CADPS2: variants seen among roughly 807,000 people sequenced by gnomAD.
The protein encoded by CADPS2 is calcium-dependent secretion activator 2.
CADPS2 carries 93 observed loss-of-function variants against 172.5 expected under a neutral mutation model. The ratio of observed to expected loss-of-function variants is 0.54; its 90% CI spans 0.46 to 0.64. CADPS2 has a LOEUF of 0.64. Ranked by LOEUF, CADPS2 falls within the 30% of genes least tolerant of loss-of-function variation. The pLI, the probability that CADPS2 is intolerant of heterozygous loss-of-function variation, is 0.00. For synonymous variants in CADPS2, 546 were observed against 555.2 expected, an observed-to-expected ratio of 0.98 and a Z score of 0.23; for missense variants, 1,420 against 1,565.9, an observed-to-expected ratio of 0.91 and a Z score of 1.57.
intron 2 of CADPS2, among the ~76,000 whole-genome samples, chr7:122,729,023 A>G (rs1408996155): frequency 6.6e-6 from 1 of 151,572 alleles, no homozygotes; most frequent in African/African-American, 2.4e-5. Flanking sequence ...TCTATCCAAC[A>G]CCTGCTCTTC....
chr7:122,365,257 A>T (rs1328135545), intron 25 of CADPS2, among the ~76,000 whole-genome samples: 1 of 152,232 alleles, frequency 6.6e-6, no homozygotes, highest in South Asian at 2.1e-4. Flanking sequence ...CTTCCTCCCT[A>T]TCCCTAAAGG....
intron 20 of CADPS2, among the ~76,000 whole-genome samples, chr7:122,404,596 T>C (rs1016791883): frequency 6.6e-6 from 1 of 152,206 alleles, no homozygotes; most frequent in African/African-American, 2.4e-5. Flanking sequence ...TGAACTAGTT[T>C]ACAGTCCCGC....
At chr7:122,442,418 T>C (rs1425962142) in intron 15 of CADPS2, among the ~76,000 whole-genome samples, 1 of 152,204 alleles carries the variant, frequency 6.6e-6, no homozygotes, top group African/African-American at 2.4e-5. Context: ...GATCAAGTGC[T>C]ACAGGCAGCT....
intron 7 of CADPS2, among the ~76,000 whole-genome samples, chr7:122,574,971 G>GA (rs1477423093): frequency 6.6e-6 from 1 of 151,982 alleles, no homozygotes; most frequent in Non-Finnish European, 1.5e-5. Flanking sequence ...CCCAATATTA[G>GA]AAAAAACTGT....
chr7:122,830,549 C>T (rs1472458050), intron 1 of CADPS2, among the ~76,000 whole-genome samples: 2 of 152,120 alleles, frequency 1.3e-5, no homozygotes, highest in Non-Finnish European at 2.9e-5. Context: ...CCATATATAG[C>T]GCATTAGCAA....
chr7:122,526,692 C>A (rs1376093516), intron 8 of CADPS2, among the ~76,000 whole-genome samples: 1 of 152,170 alleles, frequency 6.6e-6, no homozygotes, highest in Non-Finnish European at 1.5e-5. Context: ...CCATTTATTA[C>A]CGTCTTCTTA....
At chr7:122,882,342 G>T (rs1823135246) in intron 1 of CADPS2, among the ~76,000 whole-genome samples, 2 of 152,106 alleles carry the variant, frequency 1.3e-5, no homozygotes, top group Non-Finnish European at 2.9e-5. Flanking sequence ...ATAGGTATAT[G>T]AATTATATGG....
intron 15 of CADPS2, among the ~76,000 whole-genome samples, chr7:122,444,601 T>C (rs1265110296): frequency 6.6e-6 from 1 of 152,206 alleles, no homozygotes; most frequent in African/African-American, 2.4e-5. Flanking sequence ...CCTTTTTGTA[T>C]AATATTCCTT....
At chr7:122,514,175 A>T (rs977194979) in intron 8 of CADPS2, among the ~76,000 whole-genome samples, 2 of 152,116 alleles carry the variant, frequency 1.3e-5, no homozygotes, top group African/African-American at 4.8e-5. Flanking sequence ...CTCCCTACAA[A>T]AGTGGAAAAT....
chr7:122,591,523 T>C (rs2070806166), intron 6 of CADPS2, among the ~76,000 whole-genome samples: 2 of 152,000 alleles, frequency 1.3e-5, no homozygotes, highest in African/African-American at 2.4e-5. Context: ...GAGCCTGCAT[T>C]GCCAAGACAA....
chr7:122,585,462 A>T (rs1420888969), intron 6 of CADPS2: 2 of 94,332 alleles, frequency 2.1e-5, no homozygotes, highest in Non-Finnish European at 4.2e-5. Context: ...TCAACAAAGG[A>T]AAAAAAAAAA....
At chr7:122,732,931 A>G (rs2091827124) in intron 2 of CADPS2, among the ~76,000 whole-genome samples, 1 of 147,160 alleles carries the variant, frequency 6.8e-6, no homozygotes, top group East Asian at 1.9e-4. Context: ...TATAATACAT[A>G]TTATATACAG....
chr7:122,823,267 TTC>T, intron 1 of CADPS2, among the ~76,000 whole-genome samples: 1 of 152,282 alleles, frequency 6.6e-6, no homozygotes, highest in East Asian at 1.9e-4. Context: ...CACAATGCCA[TTC>T]TATTTTAGGG....
rs568600606 is a variant in CADPS2, at chr7:122,399,970, G to A, written c.2747-6388C>T. On this transcript the variant is annotated intron_variant, in intron 20 of 29. Coordinates refer to ENST00000449022, the MANE Select transcript of CADPS2 (RefSeq NM_017954.11). ...ATTACAGGCGTGAGCCACCGCGCCC[G>A]GCCAAGGGTGGGTTTCTTGATGCCC... Among the ~76,000 whole-genome samples, 14 of 146,800 alleles carry A rather than the reference G, an allele frequency of 9.5e-5. No individual in the cohort carries two copies. The East Asian group carries it at 1.7e-3, about 18-fold the overall frequency.
intron 24 of CADPS2, among the ~76,000 whole-genome samples, chr7:122,384,293 C>A (rs1222637724): frequency 6.6e-6 from 1 of 152,030 alleles, no homozygotes; most frequent in Non-Finnish European, 1.5e-5. Context: ...AAAGTTTTAT[C>A]CCAGCGATGA....
intron 3 of CADPS2, among the ~76,000 whole-genome samples, chr7:122,649,372 T>C (rs1486807653): frequency 6.6e-6 from 1 of 152,148 alleles, no homozygotes; most frequent in East Asian, 1.9e-4. Context: ...CAGCTCTATT[T>C]CCTGGCACCC....
intron 3 of CADPS2, among the ~76,000 whole-genome samples, chr7:122,645,458 T>C (rs367686702): frequency 6.3e-5 from 5 of 79,374 alleles, no homozygotes; most frequent in East Asian, 4.8e-4. Context: ...CACATATGTA[T>C]ATATGTGTAT....
intron 8 of CADPS2, among the ~76,000 whole-genome samples, chr7:122,515,820 A>C (rs1227251403): frequency 7.0e-6 from 1 of 142,624 alleles, no homozygotes; most frequent in Non-Finnish European, 1.5e-5. Flanking sequence ...AAGTATAATA[A>C]AAAAATTAAT....
intron 28 of CADPS2, among the ~76,000 whole-genome samples, chr7:122,335,104 C>T (rs748492225): frequency 9.2e-5 from 14 of 152,198 alleles, no homozygotes; most frequent in Non-Finnish European, 1.6e-4. Context: ...CAACATTTCC[C>T]ACCATTTTTT....
Sources: allele counts gnomAD v4.1 joint callset (sites outside exome capture counted in the v4.1 genomes callset), GRCh38; gene constraint gnomAD v4.1.1; transcripts MANE v1.5; gene names NCBI Gene and HGNC (gene_info 2026-07-23, HGNC 2026-07-21).